Variants in MAST4 observed in about 807,000 individuals in gnomAD.
MAST4 encodes the protein microtubule-associated serine/threonine-protein kinase 4.
MAST4 carries 89 observed loss-of-function variants against 162.7 expected under a neutral mutation model. The ratio of observed to expected loss-of-function variants is 0.55; its 90% CI spans 0.46 to 0.65. The LOEUF is 0.65. MAST4 is among the 30% of genes least tolerant of loss of function. MAST4 has a pLI of 0.00. For synonymous variants in MAST4, 1,479 were observed against 1,361.1 expected, an observed-to-expected ratio of 1.09 and a Z score of -1.91; for missense variants, 3,153 against 3,374.0, an observed-to-expected ratio of 0.93 and a Z score of 1.62.
At position 66,835,230 on chromosome 5, in the gene MAST4, T is replaced by C. The variant is rs576810021; in HGVS notation, c.642+46436T>C. ...TGTCTCTTATATTAGGCCCACATAA[T>C]AAATTAGCTTAGAATTCAGCACTAA... On this transcript the variant is annotated intron_variant, in intron 3 of 28. Transcript: ENST00000403625. Among the ~76,000 whole-genome samples, 146 of 152,320 alleles carry C rather than the reference T, an allele frequency of 9.6e-4. No homozygotes were observed. The Middle Eastern group carries it at 0.017, about 18-fold the overall frequency.
intron 1 of MAST4, among the ~76,000 whole-genome samples, chr5:66,606,648 T>C (rs1298320712): frequency 1.3e-5 from 2 of 152,208 alleles, no homozygotes; most frequent in African/African-American, 4.8e-5. Context: ...CAGCCTTTTC[T>C]CATATTGCCT....
chr5:66,840,468 A>G (rs541693652), intron 3 of MAST4, among the ~76,000 whole-genome samples: 18 of 152,300 alleles, frequency 1.2e-4, no homozygotes, highest in Admixed American at 3.3e-4. Flanking sequence ...CTAAGAGACA[A>G]TATGGTTACT....
At chr5:67,118,592 G>T in intron 12 of MAST4, 90 bp from the exon 13 acceptor site, 1 of 794,758 alleles carries the variant, frequency 1.3e-6, no homozygotes, top group South Asian at 1.7e-5. Context: ...TTTTAATATG[G>T]GAGAAACTAT....
intron 1 of MAST4, 150 bp downstream of exon 1, chr5:66,597,168 T>G: frequency 9.3e-7 from 1 of 1,076,706 alleles, no homozygotes; most frequent in Non-Finnish European, 1.2e-6. Flanking sequence ...GGGACAACGA[T>G]AGTTAGGAGC....
intron 3 of MAST4, among the ~76,000 whole-genome samples, chr5:66,893,189 G>T (rs1288414135): frequency 6.6e-6 from 1 of 150,896 alleles, no homozygotes; most frequent in African/African-American, 2.5e-5. Flanking sequence ...TTTTGTTTTT[G>T]TTTTGTTTTG....
In MAST4 at chr5:66,609,298, C is replaced by G. The variant is rs532872946; in HGVS notation, c.363+12280C>G. Among the ~76,000 whole-genome samples the G allele has an allele frequency of 1.3e-5, 2 of 152,024 alleles. 1 individual carries two copies. Among genetic ancestry groups the G allele is most frequent in the African/African-American group, 4.8e-5 (2 of 41,436 alleles). On this transcript the variant is annotated intron_variant, in intron 1 of 28. Transcript: ENST00000403625. The stretch of plus-strand genomic sequence containing the variant: ...GGCAGCCAGGGCTTTCCTGTATGTT[C>G]TGGACATAGCTGCCCAGCCCTTAAA...
chr5:66,901,813 C>G (rs1009972182), intron 4 of MAST4, among the ~76,000 whole-genome samples: 69 of 150,252 alleles, frequency 4.6e-4, no homozygotes, highest in African/African-American at 1.7e-3. Context: ...TTAATGATGC[C>G]TCATATAGCT....
intron 1 of MAST4, among the ~76,000 whole-genome samples, chr5:66,672,604 C>T (rs969639607): frequency 6.6e-6 from 1 of 152,158 alleles, no homozygotes; most frequent in Non-Finnish European, 1.5e-5. Context: ...GTTTCTCAGG[C>T]CCCTTTTATA....
intron 5 of MAST4, among the ~76,000 whole-genome samples, chr5:67,076,720 C>T (rs1245007935): frequency 2.0e-5 from 3 of 152,148 alleles, no homozygotes; most frequent in Admixed American, 2.0e-4. Context: ...TCTCAGACAT[C>T]GAAGCTCATT....
intron 4 of MAST4, among the ~76,000 whole-genome samples, chr5:66,941,320 T>G (rs1308207633): frequency 1.3e-5 from 2 of 152,164 alleles, no homozygotes; most frequent in South Asian, 4.1e-4. Flanking sequence ...ATTGTCTACA[T>G]TGATAACATG....
At chr5:66,602,339 T>C (rs1326888986) in intron 1 of MAST4, among the ~76,000 whole-genome samples, 1 of 152,102 alleles carries the variant, frequency 6.6e-6, no homozygotes, top group Non-Finnish European at 1.5e-5. Flanking sequence ...TCTTGGATTT[T>C]CCTAAAGAGG....
At chr5:67,028,970 A>G (rs181098622) in intron 4 of MAST4, among the ~76,000 whole-genome samples, 4 of 152,242 alleles carry the variant, frequency 2.6e-5, no homozygotes, top group African/African-American at 9.6e-5. Context: ...CTCTACAAAA[A>G]TAAAAGATAA....
chr5:66,705,409 T>A (rs569724918), intron 1 of MAST4, among the ~76,000 whole-genome samples: 2 of 152,322 alleles, frequency 1.3e-5, no homozygotes, highest in Admixed American at 6.5e-5. Flanking sequence ...GGGATTTTTT[T>A]AAAGATAAAA....
intron 1 of MAST4, among the ~76,000 whole-genome samples, chr5:66,689,549 G>T (rs892768325): frequency 6.6e-6 from 1 of 152,032 alleles, no homozygotes; most frequent in Admixed American, 6.6e-5. Context: ...TGTCTTCCCT[G>T]TTAAACTTCA....
rs1580629912 is a variant in MAST4, at chr5:66,845,916, T to C, written c.643-54035T>C. Among the ~76,000 whole-genome samples the C allele has an allele frequency of 2.6e-5, 4 of 152,128 alleles. No homozygotes were observed. In the South Asian group the frequency reaches 8.3e-4, roughly 32 times the overall value. On this transcript the variant is annotated intron_variant, in intron 3 of 28. Coordinates refer to ENST00000403625, the MANE Select transcript of MAST4 (RefSeq NM_001164664.2). ...GGGACTTCAAGGATGCTTTTGAAAA[T>C]AGTATCCTATGAAAGAATTATAAAC... is the stretch of plus-strand genomic sequence containing the variant.
At chr5:66,878,546 A>G (rs1339596304) in intron 3 of MAST4, among the ~76,000 whole-genome samples, 1 of 152,248 alleles carries the variant, frequency 6.6e-6, no homozygotes, top group African/African-American at 2.4e-5. Context: ...ATCATAGCCT[A>G]GTCCTTGCCA....
intron 1 of MAST4, among the ~76,000 whole-genome samples, chr5:66,722,965 AT>A (rs977029481): frequency 6.6e-6 from 1 of 152,172 alleles, no homozygotes; most frequent in African/African-American, 2.4e-5. Context: ...ACTTCCCTCC[AT>A]TTTAAATAAA....
At chr5:66,827,200 G>T (rs540293736) in intron 3 of MAST4, among the ~76,000 whole-genome samples, 3 of 152,186 alleles carry the variant, frequency 2.0e-5, no homozygotes, top group Non-Finnish European at 1.5e-5. Flanking sequence ...ATTTGTGCTA[G>T]AATTCGTTGA....
chr5:66,871,519 T>A (rs2149874152), intron 3 of MAST4, among the ~76,000 whole-genome samples: 1 of 152,246 alleles, frequency 6.6e-6, no homozygotes, highest in Non-Finnish European at 1.5e-5. Flanking sequence ...AGAAAAGTGG[T>A]TGAAGTTTTG....
Sources: gnomAD v4.1 joint callset for allele counts (sites outside exome capture counted in the v4.1 genomes callset) on GRCh38, gnomAD v4.1.1 for gene constraint, MANE v1.5 for transcripts, NCBI Gene and HGNC (gene_info 2026-07-23, HGNC 2026-07-21) for gene names.